Variants in WRAP53 observed in about 807,000 individuals in gnomAD.
WRAP53 encodes the protein WD repeat containing antisense to TP53.
A neutral mutation model predicts 56.6 loss-of-function variants in WRAP53; 28 were observed. That is an observed-to-expected ratio of 0.50 (90% confidence interval 0.37 to 0.68). The LOEUF is 0.68. Among genes scored for constraint, WRAP53 ranks in the 30% least tolerant of loss-of-function variants. The pLI, the probability that WRAP53 is intolerant of heterozygous loss-of-function variation, is 0.00. For synonymous variants in WRAP53, 283 were observed against 283.4 expected (o/e 1.00, Z 0.01); for missense variants, 671 against 715.5 (o/e 0.94, Z 0.71).
intron 4 of WRAP53, among the ~76,000 whole-genome samples, chr17:7,692,101 A>T (rs184762931): frequency 6.6e-6 from 1 of 151,660 alleles, no homozygotes; most frequent in South Asian, 2.1e-4. Flanking sequence ...TGGCCTCCCA[A>T]AGTGCTGGGA....
chr17:7,694,031 C>A (rs1286384193), intron 4 of WRAP53, among the ~76,000 whole-genome samples: 1 of 152,034 alleles, frequency 6.6e-6, no homozygotes, highest in East Asian at 1.9e-4. Context: ...GCCTGTAATC[C>A]CGACACTTTG....
chr17:7,702,190 G>C lies in WRAP53; in HGVS notation c.956-154G>C. ...TCCTTTGGGAGGATAGATGTGGGGA[G>C]CATCAGAGGTCTTTGTCCTGCTTGT... On this transcript the variant is annotated intron_variant, in intron 7 of 10. Transcript: ENST00000396463. The surrounding 1 kb of genome is among the most constrained non-coding windows in gnomAD (Gnocchi z 5.0). 1 of 799,996 alleles carries C rather than the reference G, an allele frequency of 1.3e-6. No individual in the cohort carries two copies. The highest frequency in any genetic ancestry group is 2.1e-6 in the Non-Finnish European group (1 of 480,162). 49.6% of individuals were successfully genotyped at this position (799,996 alleles called of 1,614,324 possible). A position where few individuals can be genotyped will look rare whatever the true frequency, so the allele number is the denominator to read the frequency against.
chr17:7,699,800 T>A (rs575204052), intron 4 of WRAP53, among the ~76,000 whole-genome samples: 2 of 151,572 alleles, frequency 1.3e-5, no homozygotes, highest in South Asian at 4.2e-4. Context: ...GTGGCAATGA[T>A]CTCAGCTCAC....
chr17:7,702,585 T>G lies in WRAP53; in HGVS notation c.1164+33T>G, dbSNP rs2074290082. The G allele has an allele frequency of 1.2e-6, 2 of 1,600,706 alleles. No homozygotes were observed. Among genetic ancestry groups the G allele is most frequent in the African/African-American group, 2.7e-5 (2 of 74,838 alleles). On this transcript the variant is annotated intron_variant, in intron 8 of 10. Coordinates refer to ENST00000396463, the MANE Select transcript of WRAP53 (RefSeq NM_001143992.2). The surrounding 1 kb of genome is among the most constrained non-coding windows in gnomAD (Gnocchi z 5.0). ...TCACACCCTGAGAGCCCAAAGCAGC[T>G]GGGCAGCGGGGCAGGAGCAGGGATG...
chr17:7,686,944 C>T (rs1318004986), upstream of WRAP53: 1 of 168,644 alleles, frequency 5.9e-6, no homozygotes, highest in African/African-American at 2.4e-5. Context: ...GAATGGAGCC[C>T]CAGTTTTCAC....
In WRAP53 at chr17:7,694,754, C is replaced by T. The variant is rs145744624; in HGVS notation, c.642+5053C>T. Among the ~76,000 whole-genome samples the T allele has an allele frequency of 3.3e-3, 494 of 151,804 alleles. 2 individuals are homozygous for T. Among genetic ancestry groups the T allele is most frequent in the Middle Eastern group, 0.01 (3 of 288 alleles). On this transcript the variant is annotated intron_variant, in intron 4 of 10. Transcript: ENST00000396463. ...GAGGTGGGAGGATCGCTTGAGCCTG[C>T]GAGGTTGAGGCTGCCATGACCTTTG...
chr17:7,687,527 G>A, upstream of WRAP53: 1 of 398,690 alleles, frequency 2.5e-6, no homozygotes, highest in Non-Finnish European at 4.4e-6. Context: ...TGAGCACATG[G>A]GAGGGGAAAA....
In WRAP53 at chr17:7,700,780, G is replaced by T. The variant is rs566624166; in HGVS notation, c.682G>T (p.Asp228Tyr). 1.2e-6 allele frequency: 2 copies of T among 1,613,258 alleles called. No homozygotes were observed. Among genetic ancestry groups the T allele is most frequent in the Non-Finnish European group, 1.7e-6 (2 of 1,179,438 alleles). The change falls in exon 5 of 11, where the codon GAT (aspartate) becomes TAT (tyrosine). Residue 228 changes from aspartate (D) to tyrosine (Y), a missense_variant. Asp to Tyr is a radical substitution (Grantham distance 160). Transcript: ENST00000396463. ...LRMVEGDTIY[D>Y]YCWYSLMSSA... is the part of the protein sequence containing the mutation. ...AATGGTGGAAGGTGATACCATCTATGATTACTGCTGGTATTCTCTGATGTC... is the reference window on the plus strand; with the variant it reads ...AATGGTGGAAGGTGATACCATCTATTATTACTGCTGGTATTCTCTGATGTC...
chr17:7,691,354 A>G (rs982230634), intron 4 of WRAP53, among the ~76,000 whole-genome samples: 1 of 151,256 alleles, frequency 6.6e-6, no homozygotes, highest in African/African-American at 2.4e-5. Context: ...CTTATGGGTA[A>G]GGCATTTGGA....
chr17:7,702,641 TG>T lies in WRAP53; in HGVS notation c.1164+93del. Reference sequence around the variant, plus strand: ...TGCAGTGTAGGGGAATGGGTGGGGATGGGGAAAAAATCCCAAGCTGAAGGAG... The same window carrying T: ...TGCAGTGTAGGGGAATGGGTGGGGATGGGAAAAAATCCCAAGCTGAAGGAG... On this transcript the variant is annotated intron_variant, in intron 8 of 10. Coordinates refer to ENST00000396463, the MANE Select transcript of WRAP53 (RefSeq NM_001143992.2). The surrounding 1 kb of genome is among the most constrained non-coding windows in gnomAD (Gnocchi z 5.0). 2 of 1,596,282 alleles carry T rather than the reference TG, an allele frequency of 1.3e-6. No individual in the cohort carries two copies. Among genetic ancestry groups the T allele is most frequent in the Middle Eastern group, 3.4e-4 (2 of 5,918 alleles).
At chr17:7,687,828 G>C (rs1310584581), upstream of WRAP53, 2 of 389,746 alleles carry the variant, frequency 5.1e-6, no homozygotes, top group South Asian at 1.4e-4. Context: ...TTTGCTCTCA[G>C]CTGGATCCTT....
At position 7,689,079 on chromosome 17, in the gene WRAP53, C is replaced by G. The variant is rs1156897458; in HGVS notation, c.431C>G (p.Thr144Ser). ...CCCGCTGCAGAGGACGAGGGAGACA[C>G]GTAAGTGGTGATGGCAGTGGAGTGT... Reference protein sequence around the residue: ...GEPAAEDEGDTAWNYSFSQLP... With the variant: ...GEPAAEDEGDSAWNYSFSQLP... Residue 144 changes from threonine to serine, a missense_variant and splice_region_variant, in exon 2 of 11, where the codon ACC (threonine) becomes AGC (serine). By Grantham distance (58) the Thr-to-Ser change is moderately conservative (BLOSUM62 1). Coordinates refer to ENST00000396463, the MANE Select transcript of WRAP53 (RefSeq NM_001143992.2). 3 of 1,614,080 alleles carry G rather than the reference C, an allele frequency of 1.9e-6. No homozygotes were observed. Among genetic ancestry groups the G allele is most frequent in the Non-Finnish European group, 2.5e-6 (3 of 1,179,990 alleles).
chr17:7,698,658 C>T (rs962005072), intron 4 of WRAP53, among the ~76,000 whole-genome samples: 24 of 151,946 alleles, frequency 1.6e-4, no homozygotes, highest in Non-Finnish European at 3.1e-4. Context: ...GGGTGGATCA[C>T]GAGGTCAGGA....
intron 4 of WRAP53, among the ~76,000 whole-genome samples, chr17:7,699,235 C>T (rs778225756): frequency 2.0e-5 from 3 of 150,316 alleles, no homozygotes; most frequent in South Asian, 2.1e-4. Context: ...GCCTGGCCAA[C>T]GTGGCGAAAC....
chr17:7,689,337 G>A lies in WRAP53; in HGVS notation c.530+15G>A. ...GGCTGTAAGTGGTAAGGATAACAAC[G>A]GGGCAGGGAGCTGACCACCCCCGAG... On this transcript the variant is annotated intron_variant, in intron 3 of 10. Coordinates refer to ENST00000396463, the MANE Select transcript of WRAP53 (RefSeq NM_001143992.2). 1.2e-6 allele frequency: 2 copies of A among 1,612,626 alleles called. No individual in the cohort carries two copies. The highest frequency in any genetic ancestry group is 1.1e-5 in the South Asian group (1 of 91,010).
At chr17:7,687,396 C>T (rs531575965), upstream of WRAP53, 12 of 398,642 alleles carry the variant, frequency 3.0e-5, no homozygotes, top group Non-Finnish European at 4.0e-5. Flanking sequence ...GGAAGCGTGT[C>T]ACCGTCGTGG....
chr17:7,691,064 C>G (rs967327446), intron 4 of WRAP53, among the ~76,000 whole-genome samples: 2 of 151,816 alleles, frequency 1.3e-5, no homozygotes, highest in African/African-American at 4.8e-5. Context: ...CAAAAATTAG[C>G]TGGGTGTGAT....
At position 7,697,347 on chromosome 17, in the gene WRAP53, AAAAAG is replaced by A. The variant is rs869029756; in HGVS notation, c.643-3392_643-3388del. Among the ~76,000 whole-genome samples, 188 of 150,434 alleles carry A rather than the reference AAAAAG, an allele frequency of 1.2e-3. 1 individual carries two copies. The highest frequency in any genetic ancestry group is 4.1e-3 in the African/African-American group (169 of 40,996). ...AAAAAAAAAAAAGAAAAGAAAAAGA[AAAAAG>A]AGAAGAAAAGAAAAAGACAACAACT... On this transcript the variant is annotated intron_variant, in intron 4 of 10. Coordinates refer to ENST00000396463, the MANE Select transcript of WRAP53 (RefSeq NM_001143992.2).
At chr17:7,699,522 T>TATA (rs1567577715) in intron 4 of WRAP53, among the ~76,000 whole-genome samples, 183 of 14,054 alleles carry the variant, frequency 0.013, 21 homozygotes, top group Non-Finnish European at 0.017. Context: ...ATATATATAT[T>TATA]TATATATATA....
Sources: allele counts gnomAD v4.1 joint callset (sites outside exome capture counted in the v4.1 genomes callset), GRCh38; gene constraint gnomAD v4.1.1; non-coding constraint Gnocchi (gnomAD v3.1); transcripts MANE v1.5; gene names NCBI Gene and HGNC (gene_info 2026-07-23, HGNC 2026-07-21).